COL6A2: variants seen among roughly 807,000 people sequenced by gnomAD.
COL6A2 encodes the protein collagen type VI alpha 2 chain, also known as collagen alpha-2(VI) chain.
In COL6A2, 90 loss-of-function variants were observed where a neutral mutation model predicts 124.9. That is an observed-to-expected ratio of 0.72 (90% CI 0.61 to 0.86). The LOEUF (loss-of-function observed/expected upper bound fraction) is 0.86, where lower values mean the gene tolerates loss of function less well. COL6A2 is among the 40% of genes least tolerant of loss of function. COL6A2 has a pLI of 0.00. For missense variants in COL6A2, 1,607 were observed against 1,502.5 expected (o/e 1.07, Z -1.15); for synonymous variants, 793 against 618.2 (o/e 1.28, Z -4.19).
chr21:46,126,705 A>G (rs1221445574), intron 27 of COL6A2, among the ~76,000 whole-genome samples, 164 bp downstream of exon 27: 1 of 152,056 alleles, frequency 6.6e-6, no homozygotes, highest in East Asian at 1.9e-4. Flanking sequence ...ATGGCAGCAC[A>G]GGGGAGGAGG....
intron 27 of COL6A2, chr21:46,128,788 G>GGGTTTACCACC: frequency 1.2e-6 from 1 of 868,690 alleles, no homozygotes; most frequent in East Asian, 2.4e-5. Context: ...GGCTGAGGAA[G>GGGTTTACCACC]GGTTTACCAC....
In COL6A2 at chr21:46,116,550, G is replaced by A; in HGVS notation, c.928-101G>A. ...GCTTTGGGGGCTCCTGGGGGGTCCT[G>A]TGGCCTTGAGTTTGGCCCAAGGGCT... On this transcript the variant is annotated intron_variant, in intron 8 of 27. Coordinates refer to ENST00000300527, the MANE Select transcript of COL6A2 (RefSeq NM_001849.4). The surrounding 1 kb of genome is among the most constrained non-coding windows in gnomAD (Gnocchi z 4.6). 6.3e-7 allele frequency: 1 copy of A among 1,588,266 alleles called. No homozygotes were observed. Among genetic ancestry groups the A allele is most frequent in the Non-Finnish European group, 8.6e-7 (1 of 1,160,156 alleles).
intron 3 of COL6A2, 109 bp downstream of exon 3, chr21:46,112,686 G>A (rs987452438): frequency 3.8e-6 from 6 of 1,596,826 alleles, no homozygotes; most frequent in Middle Eastern, 1.6e-4. Flanking sequence ...GCCGAAGGAG[G>A]AAGCTCCGGG....
chr21:46,128,799 C>T (rs111637170), intron 27 of COL6A2: 325 of 953,016 alleles, frequency 3.4e-4, no homozygotes, highest in Non-Finnish European at 4.4e-4. Context: ...GGTTTACCAC[C>T]GCAAGCTTTC....
chr21:46,132,784 G>A lies in COL6A2; in HGVS notation c.*232G>A, dbSNP rs1401157759. 1.4e-5 allele frequency: 8 copies of A among 587,674 alleles called. No individual in the cohort carries two copies. Among genetic ancestry groups the A allele is most frequent in the African/African-American group, 3.7e-5 (2 of 53,374 alleles). 36.4% of individuals were successfully genotyped at this position (587,674 alleles called of 1,614,324 possible). On this transcript the variant is annotated 3_prime_UTR_variant, in exon 28 of 28. Transcript: ENST00000300527. ...TCCCTCCCCCTGCAGCCATCCCAAG[G>A]CTCCTGACCTACCTGGCCCCTGAGC...
rs1008016459 is a variant in COL6A2, at chr21:46,132,749, C to T, written c.*197C>T. On this transcript the variant is annotated 3_prime_UTR_variant, in exon 28 of 28. Coordinates refer to ENST00000300527, the MANE Select transcript of COL6A2 (RefSeq NM_001849.4). The stretch of plus-strand genomic sequence containing the variant: ...CAGGTCTCCCCAGGCCCTCCGCAGG[C>T]TGCCCGGCCTCCCTCCCCCTGCAGC... The T allele has an allele frequency of 6.5e-6, 4 of 612,860 alleles. No homozygotes were observed. Among genetic ancestry groups the T allele is most frequent in the African/African-American group, 5.6e-5 (3 of 53,964 alleles). The allele number at this position is 612,860 out of a possible 1,614,324, so 38.0% of individuals were successfully genotyped here.
In COL6A2 at chr21:46,132,394, A is replaced by G; in HGVS notation, c.2902A>G (p.Asn968Asp). Reference protein sequence around the residue: ...HESAHSMRKQNVVPTVLALGS... With the variant: ...HESAHSMRKQDVVPTVLALGS... Reference sequence around the variant, plus strand: ...GTCGGCGCACTCCATGCGCAAGCAGAACGTGGTACCCACCGTGCTGGCCTT... The same window carrying G: ...GTCGGCGCACTCCATGCGCAAGCAGGACGTGGTACCCACCGTGCTGGCCTT... The change falls in exon 28 of 28, where the codon AAC becomes GAC. Residue 968 changes from asparagine to aspartate, a missense_variant. Coordinates refer to ENST00000300527, the MANE Select transcript of COL6A2 (RefSeq NM_001849.4). 3 of 1,609,462 alleles carry G rather than the reference A, an allele frequency of 1.9e-6. No individual in the cohort carries two copies. Among genetic ancestry groups the G allele is most frequent in the Non-Finnish European group, 2.5e-6 (3 of 1,179,078 alleles).
chr21:46,111,400 C>T, intron 1 of COL6A2, 50 bp from the exon 2 acceptor site: 2 of 1,081,818 alleles, frequency 1.8e-6, no homozygotes, highest in Non-Finnish European at 2.8e-6. Flanking sequence ...GGGGAGGGTG[C>T]CAGGGGAGAG....
chr21:46,098,898 C>G (rs1227722796), intron 1 of COL6A2: 1 of 152,304 alleles, frequency 6.6e-6, no homozygotes, highest in Non-Finnish European at 1.5e-5. Flanking sequence ...CTGGTGGAAC[C>G]GCTGGGCCTG....
At chr21:46,110,365 C>T (rs1379708077) in intron 1 of COL6A2, among the ~76,000 whole-genome samples, 5 of 152,124 alleles carry the variant, frequency 3.3e-5, no homozygotes, top group African/African-American at 1.2e-4. Flanking sequence ...GCTTTGGTCA[C>T]AGGTTATGCA....
intron 10 of COL6A2, among the ~76,000 whole-genome samples, chr21:46,117,036 G>A (rs1180604337): frequency 6.6e-6 from 1 of 152,086 alleles, no homozygotes; most frequent in Non-Finnish European, 1.5e-5. Context: ...GCACATCCCG[G>A]CTTGGGGCAG....
In COL6A2 at chr21:46,126,240, G is replaced by A. The variant is rs921776993; in HGVS notation, c.2422+3G>A. 29 of 1,597,396 alleles carry A rather than the reference G, an allele frequency of 1.8e-5. No homozygotes were observed. The highest frequency in any genetic ancestry group is 2.2e-5 in the Non-Finnish European group (26 of 1,177,936). Reference sequence around the variant, plus strand: ...CATGGAGGACGTCCTCTGCCCGGGTGAGCGTGTGGGCGCGGGGCAGTCGGC... The same window carrying A: ...CATGGAGGACGTCCTCTGCCCGGGTAAGCGTGTGGGCGCGGGGCAGTCGGC... On this transcript the variant is annotated splice_donor_region_variant and intron_variant, in intron 26 of 27. Coordinates refer to ENST00000300527, the MANE Select transcript of COL6A2 (RefSeq NM_001849.4).
chr21:46,098,521 C>T (rs190941449), intron 1 of COL6A2, among the ~76,000 whole-genome samples: 258 of 151,984 alleles, frequency 1.7e-3, no homozygotes, highest in African/African-American at 5.7e-3. Flanking sequence ...GACCCCGGCA[C>T]CGCACGCCCC....
chr21:46,129,708 G>GAGA, intron 27 of COL6A2: 3 of 1,411,600 alleles, frequency 2.1e-6, no homozygotes, highest in South Asian at 1.7e-5. Flanking sequence ...TCTCTCCTCC[G>GAGA]TCTTCCTGTG....
rs140388366 is a variant in COL6A2, at chr21:46,109,311, G to A, written c.-27-2139G>A. ...AGCTGGTCGTGCCATGCTCTGCCCT[G>A]CTCTGACTGAGCCTGGGGCTTTTAA... On this transcript the variant is annotated intron_variant, in intron 1 of 27. Transcript: ENST00000300527. Among the ~76,000 whole-genome samples the A allele has an allele frequency of 2.8e-3, 430 of 152,306 alleles. 1 individual carries two copies. Among genetic ancestry groups the A allele is most frequent in the African/African-American group, 0.01 (416 of 41,566 alleles).
intron 18 of COL6A2, among the ~76,000 whole-genome samples, chr21:46,121,892 C>T (rs747521021): frequency 1.4e-4 from 21 of 146,824 alleles, no homozygotes; most frequent in African/African-American, 4.2e-4. Context: ...GGGTCCTCCC[C>T]GCGTGTGGGC....
chr21:46,114,155 G>T, intron 5 of COL6A2, 82 bp downstream of exon 5: 1 of 1,209,686 alleles, frequency 8.3e-7, no homozygotes, highest in South Asian at 1.2e-5. Flanking sequence ...GGCCGGGCGT[G>T]GTGGCTCATA....
At chr21:46,118,562 A>T in intron 12 of COL6A2, 52 bp from the exon 13 acceptor site, 1 of 1,582,738 alleles carries the variant, frequency 6.3e-7, no homozygotes, top group Non-Finnish European at 8.6e-7. Flanking sequence ...GGCATCCTGC[A>T]CCCCCCTTCC....
At position 46,132,272 on chromosome 21, in the gene COL6A2, C is replaced by A; in HGVS notation, c.2780C>A (p.Ala927Asp). 6.2e-7 allele frequency: 1 copy of A among 1,606,578 alleles called. No homozygotes were observed. Among genetic ancestry groups the A allele is most frequent in the African/African-American group, 1.3e-5 (1 of 74,986 alleles). Residue 927 changes from alanine (A) to aspartate (D), a missense_variant, in exon 28 of 28, where the codon GCC (alanine) becomes GAC (aspartate). Coordinates refer to ENST00000300527, the MANE Select transcript of COL6A2 (RefSeq NM_001849.4). ...GCAGGCGTGGTGCACGCCATCAATG[C>A]CATCGTGCGCAGCCCGCGTGGCGGG... ...VGAGVVHAIN[A>D]IVRSPRGGAR...
Sources: allele counts gnomAD v4.1 joint callset (sites outside exome capture counted in the v4.1 genomes callset), GRCh38; gene constraint gnomAD v4.1.1; non-coding constraint Gnocchi (gnomAD v3.1); transcripts MANE v1.5; gene names NCBI Gene and HGNC (gene_info 2026-07-23, HGNC 2026-07-21).